Variants in RALYL observed in about 807,000 individuals in gnomAD.
RALYL encodes the protein RNA-binding Raly-like protein.
Under a neutral mutation model 35.1 loss-of-function variants are expected in RALYL, and 29 were observed. The observed-to-expected ratio is 0.83, with a 90% confidence interval of 0.61 to 1.13. The LOEUF (loss-of-function observed/expected upper bound fraction) is 1.13. Ranked by LOEUF, RALYL falls within the 50% of genes most tolerant of loss-of-function variation. The probability of loss-of-function intolerance (pLI) is 0.00; values close to 1 mark genes in which losing one functional copy is unlikely to be tolerated. For missense variants in RALYL, 359 were observed against 360.4 expected (o/e 1.00, Z 0.03); for synonymous variants, 120 against 127.6 (o/e 0.94, Z 0.40).
At chr8:84,308,074 A>G (rs1453518948) in intron 1 of RALYL, among the ~76,000 whole-genome samples, 1 of 152,118 alleles carries the variant, frequency 6.6e-6, no homozygotes, top group East Asian at 1.9e-4. Context: ...CTTTCTAAAC[A>G]AAAGCCACAT....
At chr8:84,188,285 CATT>C (rs1813009019) in intron 1 of RALYL, among the ~76,000 whole-genome samples, 1 of 151,912 alleles carries the variant, frequency 6.6e-6, no homozygotes, top group South Asian at 2.1e-4. Context: ...ATCATACTGT[CATT>C]ATGAAAACTC....
At chr8:84,231,456 T>G (rs549597334) in intron 1 of RALYL, among the ~76,000 whole-genome samples, 9 of 152,110 alleles carry the variant, frequency 5.9e-5, no homozygotes, top group Non-Finnish European at 7.4e-5. Flanking sequence ...CTTATAGTAC[T>G]GAAAAAATGG....
At chr8:84,268,595 G>C (rs906434151) in intron 1 of RALYL, among the ~76,000 whole-genome samples, 1 of 152,118 alleles carries the variant, frequency 6.6e-6, no homozygotes, top group East Asian at 1.9e-4. Flanking sequence ...TTACAAATTA[G>C]TTAAGATACG....
intron 2 of RALYL, among the ~76,000 whole-genome samples, chr8:84,749,627 A>G (rs953246437): frequency 6.6e-6 from 1 of 152,312 alleles, no homozygotes; most frequent in Non-Finnish European, 1.5e-5. Context: ...TCCACAGGAC[A>G]TAAATTAGTA....
At chr8:84,867,338 T>C (rs1472638527) in intron 6 of RALYL, among the ~76,000 whole-genome samples, 1 of 152,108 alleles carries the variant, frequency 6.6e-6, no homozygotes, top group East Asian at 1.9e-4. Context: ...ACATCTAATC[T>C]TTCTATTTTC....
chr8:84,422,362 G>A (rs1213293426), intron 1 of RALYL, among the ~76,000 whole-genome samples: 1 of 127,740 alleles, frequency 7.8e-6, no homozygotes, highest in Non-Finnish European at 1.6e-5. Context: ...TTCTCTGATG[G>A]TAGTTTGTAT....
intron 4 of RALYL, among the ~76,000 whole-genome samples, chr8:84,847,490 G>C (rs529222390): frequency 2.6e-5 from 4 of 151,984 alleles, no homozygotes; most frequent in African/African-American, 9.7e-5. Context: ...GGTGTCTCTT[G>C]GTGAGACAGG....
At chr8:84,605,106 T>G (rs1198984258) in intron 2 of RALYL, among the ~76,000 whole-genome samples, 1 of 152,118 alleles carries the variant, frequency 6.6e-6, no homozygotes, top group Non-Finnish European at 1.5e-5. Flanking sequence ...TGAATAACAT[T>G]TAACTTTTCA....
intron 1 of RALYL, among the ~76,000 whole-genome samples, chr8:84,481,681 A>G (rs1259279675): frequency 6.6e-6 from 1 of 152,212 alleles, no homozygotes; most frequent in Non-Finnish European, 1.5e-5. Flanking sequence ...ATTGATAAAT[A>G]CTACAGGCAT....
intron 1 of RALYL, among the ~76,000 whole-genome samples, chr8:84,210,885 TC>T (rs1819341783): frequency 1.3e-5 from 1 of 79,336 alleles, no homozygotes; most frequent in Non-Finnish European, 2.8e-5. Flanking sequence ...TAGTGTGTGC[TC>T]TCGGCATTGA....
At chr8:84,574,549 C>T (rs1033907875) in intron 2 of RALYL, among the ~76,000 whole-genome samples, 1 of 151,990 alleles carries the variant, frequency 6.6e-6, no homozygotes, top group Non-Finnish European at 1.5e-5. Flanking sequence ...ACTAATTATC[C>T]CTCTCTCTAC....
chr8:84,619,366 T>C lies in RALYL; in HGVS notation c.256+89789T>C, dbSNP rs979854244. Among the ~76,000 whole-genome samples the C allele has an allele frequency of 1.3e-5, 2 of 151,014 alleles. 1 individual carries two copies. Among genetic ancestry groups the C allele is most frequent in the African/African-American group, 4.9e-5 (2 of 40,540 alleles). The stretch of plus-strand genomic sequence containing the variant: ...TATGTAATGGCCTTCTTTGTCTCTT[T>C]TGATTTTTGTTGGTTTAAAGTCTGT... On this transcript the variant is annotated intron_variant, in intron 2 of 8. Transcript: ENST00000521268.
chr8:84,719,784 A>C (rs1843561488), intron 2 of RALYL, among the ~76,000 whole-genome samples: 1 of 152,144 alleles, frequency 6.6e-6, no homozygotes. Flanking sequence ...TGTGGGGAGA[A>C]CATTCAAAAT....
At chr8:84,776,126 G>C (rs1353998915) in intron 3 of RALYL, among the ~76,000 whole-genome samples, 1 of 152,164 alleles carries the variant, frequency 6.6e-6, no homozygotes, top group Admixed American at 6.5e-5. Context: ...ATTATTTTCT[G>C]ATTTAGTATA....
chr8:84,593,850 T>C lies in RALYL; in HGVS notation c.256+64273T>C, dbSNP rs117326880. 7.7e-3 allele frequency among the ~76,000 whole-genome samples: 1,170 copies of C among 152,204 alleles called. 9 individuals carry two copies. Among genetic ancestry groups the C allele is most frequent in the Non-Finnish European group, 0.013 (868 of 67,978 alleles). ...CTCCATAACTGCCTAAACTCAGGTCTAGTCTCTCTTTTGTCCAGATTTAAC... is the reference window on the plus strand; with the variant it reads ...CTCCATAACTGCCTAAACTCAGGTCCAGTCTCTCTTTTGTCCAGATTTAAC... On this transcript the variant is annotated intron_variant, in intron 2 of 8. Coordinates refer to ENST00000521268, the MANE Select transcript of RALYL (RefSeq NM_173848.7).
chr8:84,429,865 A>G (rs2046953490), intron 1 of RALYL, among the ~76,000 whole-genome samples: 1 of 152,078 alleles, frequency 6.6e-6, no homozygotes, highest in Non-Finnish European at 1.5e-5. Flanking sequence ...CCTATCCACT[A>G]TCACTGGGGA....
chr8:84,407,036 ACACACACACACT>A (rs2043594344), intron 1 of RALYL, among the ~76,000 whole-genome samples: 1 of 148,926 alleles, frequency 6.7e-6, no homozygotes, highest in Non-Finnish European at 1.5e-5. Flanking sequence ...ATATATATAT[ACACACACACACT>A]CACACACACA....
At chr8:84,607,842 C>A (rs1001965671) in intron 2 of RALYL, among the ~76,000 whole-genome samples, 2 of 151,478 alleles carry the variant, frequency 1.3e-5, no homozygotes, top group Admixed American at 1.3e-4. Context: ...TTTTGAGGAT[C>A]AATATGTTGA....
chr8:84,229,087 TATTC>T (rs1194401556), intron 1 of RALYL, among the ~76,000 whole-genome samples: 1 of 152,224 alleles, frequency 6.6e-6, no homozygotes, highest in Non-Finnish European at 1.5e-5. Flanking sequence ...CATCTCTGGC[TATTC>T]ATTCATCCAT....
Sources: gnomAD v4.1 joint callset for allele counts (sites outside exome capture counted in the v4.1 genomes callset) on GRCh38, gnomAD v4.1.1 for gene constraint, MANE v1.5 for transcripts, NCBI Gene and HGNC (gene_info 2026-07-23, HGNC 2026-07-21) for gene names.